Variants in PHF14 observed in about 807,000 individuals in gnomAD.
PHF14 encodes the protein PHD finger protein 14.
In PHF14, 55 loss-of-function variants were observed where a neutral mutation model predicts 117.9. The observed-to-expected ratio is 0.47, with a 90% CI of 0.38 to 0.58. The LOEUF is 0.58. Ranked by LOEUF, PHF14 falls within the 20% of genes least tolerant of loss-of-function variation. PHF14 has a pLI of 0.00. For missense variants in PHF14, 978 were observed against 1,122.2 expected, an observed-to-expected ratio of 0.87 and a Z score of 1.84; for synonymous variants, 409 against 368.6, an observed-to-expected ratio of 1.11 and a Z score of -1.26.
At chr7:11,043,923 A>G (rs1222139395) in intron 13 of PHF14, among the ~76,000 whole-genome samples, 2 of 152,082 alleles carry the variant, frequency 1.3e-5, no homozygotes, top group South Asian at 4.1e-4. Flanking sequence ...AAATGAAGTT[A>G]TGGACCCTCC....
At chr7:11,092,050 C>T (rs953713946) in intron 16 of PHF14, among the ~76,000 whole-genome samples, 4 of 151,790 alleles carry the variant, frequency 2.6e-5, no homozygotes, top group Non-Finnish European at 5.9e-5. Flanking sequence ...GATTTTAATA[C>T]TCTGCCATTT....
chr7:10,974,749 GTCATC>G (rs1781804275), intron 1 of PHF14, 81 bp from the exon 2 acceptor site: 2 of 720,054 alleles, frequency 2.8e-6, no homozygotes, highest in Admixed American at 5.9e-5. Flanking sequence ...CTTGTGCGAG[GTCATC>G]TTTATGTTCT....
rs896297579 is a variant in PHF14 at position 10,973,983 on chromosome 7, G to A, written c.-341G>A. Reference sequence around the variant, plus strand: ...GTTGCTTCTGGTCCAGGCTAATAAAGTTTTTCTTTCTTTAATTTTTTTTCT... The same window carrying A: ...GTTGCTTCTGGTCCAGGCTAATAAAATTTTTCTTTCTTTAATTTTTTTTCT... On this transcript the variant is annotated 5_prime_UTR_variant, in exon 1 of 18. Coordinates refer to ENST00000634607, the MANE Select transcript of PHF14 (RefSeq NM_001007157.2). 1.7e-4 allele frequency: 47 copies of A among 270,028 alleles called. No individual in the cohort carries two copies. Among genetic ancestry groups the A allele is most frequent in the African/African-American group, 9.0e-4 (40 of 44,618 alleles). 16.7% of individuals were successfully genotyped at this position (270,028 alleles called of 1,614,324 possible).
At chr7:11,058,882 C>T (rs561327015) in intron 14 of PHF14, among the ~76,000 whole-genome samples, 56 of 152,218 alleles carry the variant, frequency 3.7e-4, no homozygotes, top group Middle Eastern at 6.8e-3. Context: ...CAAGTCATTT[C>T]TCTGGATTGC....
chr7:11,028,543 T>C, intron 6 of PHF14, 138 bp from the exon 7 acceptor site: 1 of 729,018 alleles, frequency 1.4e-6, no homozygotes, highest in Non-Finnish European at 2.2e-6. Context: ...CGCCTATGAT[T>C]ATTGTTTGTA....
rs142792536 is a variant in PHF14 at position 11,023,307 on chromosome 7, T to G, written c.1317+328T>G. 4.1e-3 allele frequency among the ~76,000 whole-genome samples: 631 copies of G among 152,338 alleles called. 7 individuals are homozygous for G. Among genetic ancestry groups the G allele is most frequent in the African/African-American group, 0.015 (604 of 41,584 alleles). ...CAAATATAAGCCTAATTTCTGACTT[T>G]ACTTTTGAAGTGGAATTTGTCAAAA... is the stretch of plus-strand genomic sequence containing the variant. On this transcript the variant is annotated intron_variant, in intron 6 of 17. Coordinates refer to ENST00000634607, the MANE Select transcript of PHF14 (RefSeq NM_001007157.2).
At position 10,988,843 on chromosome 7, in the gene PHF14, G is replaced by A. The variant is rs1425242351; in HGVS notation, c.901-1860G>A. On this transcript the variant is annotated intron_variant, in intron 3 of 17. Coordinates refer to ENST00000634607, the MANE Select transcript of PHF14 (RefSeq NM_001007157.2). ...TCCTGAAGTAGATATTATTTTTATCGCCATTTTGCAGATAAAGAAATTACA... is the reference window on the plus strand; with the variant it reads ...TCCTGAAGTAGATATTATTTTTATCACCATTTTGCAGATAAAGAAATTACA... Among the ~76,000 whole-genome samples the A allele has an allele frequency of 4.0e-5, 6 of 151,874 alleles. No individual in the cohort carries two copies. In the South Asian group the frequency reaches 1.0e-3, roughly 26 times the overall value.
intron 13 of PHF14, among the ~76,000 whole-genome samples, chr7:11,050,503 T>C (rs1299435464): frequency 6.6e-6 from 1 of 152,168 alleles, no homozygotes; most frequent in East Asian, 1.9e-4. Context: ...GTTGTTTAGA[T>C]TTCTGCTGTC....
At chr7:11,004,246 CA>C (rs55917513) in intron 4 of PHF14, among the ~76,000 whole-genome samples, 3,817 of 51,446 alleles carry the variant, frequency 0.074, 35 homozygotes, top group African/African-American at 0.17. Context: ...GACTTTGTCT[CA>C]AAAAAAAAAA....
At chr7:11,150,829 CAA>C (rs1562487065) in intron 17 of PHF14, among the ~76,000 whole-genome samples, 1 of 152,140 alleles carries the variant, frequency 6.6e-6, no homozygotes, top group Non-Finnish European at 1.5e-5. Flanking sequence ...AGACTGGTAT[CAA>C]AGTCTCAAAT....
At chr7:11,058,121 A>T (rs1311301659) in intron 14 of PHF14, among the ~76,000 whole-genome samples, 1 of 152,286 alleles carries the variant, frequency 6.6e-6, no homozygotes, top group East Asian at 1.9e-4. Flanking sequence ...TATTGTTGCT[A>T]AAGTAGTTTC....
intron 16 of PHF14, chr7:11,103,347 C>T (rs1787154507): frequency 1.1e-6 from 1 of 940,380 alleles, no homozygotes; most frequent in African/African-American, 1.8e-5. Flanking sequence ...TTATTTTTCT[C>T]AACCTTAAAT....
At chr7:11,015,396 C>G (rs1380811687) in intron 5 of PHF14, among the ~76,000 whole-genome samples, 1 of 152,032 alleles carries the variant, frequency 6.6e-6, no homozygotes, top group Non-Finnish European at 1.5e-5. Flanking sequence ...TCCTTATTGT[C>G]TATCCAAAAA....
At chr7:11,002,589 G>A (rs1197607053) in intron 4 of PHF14, among the ~76,000 whole-genome samples, 1 of 151,878 alleles carries the variant, frequency 6.6e-6, no homozygotes, top group East Asian at 1.9e-4. Flanking sequence ...ACAGGCATAT[G>A]CGCCACCACG....
chr7:11,129,948 A>G (rs1013394527), intron 17 of PHF14, among the ~76,000 whole-genome samples: 2 of 152,036 alleles, frequency 1.3e-5, no homozygotes, highest in African/African-American at 2.4e-5. Flanking sequence ...ATAGAATTAT[A>G]AAGGCTAGTA....
chr7:11,021,295 AT>A (rs1030475815), intron 5 of PHF14, among the ~76,000 whole-genome samples: 16 of 151,972 alleles, frequency 1.1e-4, no homozygotes, highest in African/African-American at 3.6e-4. Flanking sequence ...AACAAGGAAG[AT>A]TTTTTTTTAA....
intron 4 of PHF14, among the ~76,000 whole-genome samples, chr7:11,004,453 CTA>C (rs1191384882): frequency 1.3e-5 from 2 of 150,274 alleles, no homozygotes; most frequent in Non-Finnish European, 2.9e-5. Flanking sequence ...CTGTATACCT[CTA>C]TTGTCACTAT....
intron 16 of PHF14, among the ~76,000 whole-genome samples, chr7:11,091,121 C>G (rs895934749): frequency 6.6e-6 from 1 of 152,146 alleles, no homozygotes; most frequent in Non-Finnish European, 1.5e-5. Context: ...CTGATGAACA[C>G]ATGGGCAGCT....
At chr7:10,992,414 G>C (rs1782493242) in intron 4 of PHF14, among the ~76,000 whole-genome samples, 1 of 150,596 alleles carries the variant, frequency 6.6e-6, no homozygotes, top group Non-Finnish European at 1.5e-5. Context: ...TGTAATCCCA[G>C]CACTTTGGGA....
Sources: gnomAD v4.1 joint callset for allele counts (sites outside exome capture counted in the v4.1 genomes callset) on GRCh38, gnomAD v4.1.1 for gene constraint, MANE v1.5 for transcripts, NCBI Gene and HGNC (gene_info 2026-07-23, HGNC 2026-07-21) for gene names.